Variants in BCAS3 observed in about 807,000 individuals in gnomAD.
The protein encoded by BCAS3 is BCAS3 microtubule associated cell migration factor, also known as BCAS4/BCAS3 fusion.
A neutral mutation model predicts 116.1 loss-of-function variants in BCAS3; 53 were observed. That is an observed-to-expected ratio of 0.46 (90% CI 0.37 to 0.57). BCAS3 has a LOEUF of 0.57. Ranked by LOEUF, BCAS3 falls within the 20% of genes least tolerant of loss-of-function variation. BCAS3 has a pLI of 0.00. For synonymous variants in BCAS3, 391 were observed against 408.2 expected (o/e 0.96, Z 0.51); for missense variants, 917 against 1,165.4 (o/e 0.79, Z 3.10).
intron 7 of BCAS3, among the ~76,000 whole-genome samples, chr17:60,809,234 C>T (rs1815347187): frequency 6.8e-6 from 1 of 148,102 alleles, no homozygotes; most frequent in African/African-American, 2.5e-5. Flanking sequence ...CAGTGCACCA[C>T]TGTACTCCAG....
intron 22 of BCAS3, among the ~76,000 whole-genome samples, chr17:61,254,216 C>CCTGTTGGG (rs2048590475): frequency 6.6e-6 from 1 of 152,228 alleles, no homozygotes; most frequent in East Asian, 1.9e-4. Context: ...GAGATTTAAC[C>CCTGTTGGG]CTGCTGGGCT....
At chr17:60,777,855 T>A (rs886511920) in intron 6 of BCAS3, among the ~76,000 whole-genome samples, 1 of 152,214 alleles carries the variant, frequency 6.6e-6, no homozygotes, top group Non-Finnish European at 1.5e-5. Flanking sequence ...TGTTACTTCC[T>A]TTCTCTTTGT....
chr17:61,265,291 A>C lies in BCAS3; in HGVS notation c.2426-103036A>C, dbSNP rs937304231. Among the ~76,000 whole-genome samples, 1 of 152,032 alleles carries C rather than the reference A, an allele frequency of 6.6e-6. No homozygotes were observed. ...AGCCGGCATGGTGGCGCATGCCTGT[A>C]ATCCCGGGAGGTTGAGGCAGGAGAA... On this transcript the variant is annotated intron_variant, in intron 22 of 23. Coordinates refer to ENST00000407086, the MANE Select transcript of BCAS3 (RefSeq NM_017679.5). The surrounding 1 kb of genome is among the most constrained non-coding windows in gnomAD (Gnocchi z 4.3).
intron 23 of BCAS3, among the ~76,000 whole-genome samples, chr17:61,373,243 C>G (rs1304359986): frequency 2.0e-5 from 3 of 151,872 alleles, no homozygotes; most frequent in Admixed American, 6.6e-5. Context: ...TACCCACCAC[C>G]ATGCCTGGCT....
chr17:60,889,403 C>T (rs553474575), intron 9 of BCAS3, among the ~76,000 whole-genome samples: 8 of 152,136 alleles, frequency 5.3e-5, no homozygotes, highest in Non-Finnish European at 1.0e-4. Context: ...TAACTTCATT[C>T]TCATGTTTAG....
chr17:61,126,657 G>T lies in BCAS3; in HGVS notation c.2425+42093G>T, dbSNP rs2076061088. ...AATTTGGCACTTATGGAGACGAAAT[G>T]ATTTCCTTTTTAGCTGCTGATTTCT... On this transcript the variant is annotated intron_variant, in intron 22 of 23. Coordinates refer to ENST00000407086, the MANE Select transcript of BCAS3 (RefSeq NM_017679.5). The surrounding 1 kb of genome is among the most constrained non-coding windows in gnomAD (Gnocchi z 4.6). Among the ~76,000 whole-genome samples, 2 of 152,116 alleles carry T rather than the reference G, an allele frequency of 1.3e-5. No individual in the cohort carries two copies. Among genetic ancestry groups the T allele is most frequent in the Non-Finnish European group, 2.9e-5 (2 of 68,004 alleles).
intron 6 of BCAS3, among the ~76,000 whole-genome samples, chr17:60,786,777 T>C (rs1255985013): frequency 6.6e-6 from 1 of 152,106 alleles, no homozygotes; most frequent in Non-Finnish European, 1.5e-5. Context: ...GTTACTTGTT[T>C]TTCAGTTAAC....
chr17:60,747,400 C>T, intron 6 of BCAS3, 121 bp downstream of exon 6: 1 of 706,262 alleles, frequency 1.4e-6, no homozygotes, highest in Non-Finnish European at 2.4e-6. Context: ...CATTCCCCTT[C>T]CCCACCTCCC....
intron 7 of BCAS3, among the ~76,000 whole-genome samples, chr17:60,838,759 T>G (rs1353553600): frequency 6.6e-6 from 1 of 152,250 alleles, no homozygotes; most frequent in African/African-American, 2.4e-5. Flanking sequence ...AATGTTTTTC[T>G]AGACAAAATC....
rs1230721615 is a variant in BCAS3 at position 61,104,573 on chromosome 17, A to G, written c.2425+20009A>G. Among the ~76,000 whole-genome samples, 5 of 152,164 alleles carry G rather than the reference A, an allele frequency of 3.3e-5. No individual in the cohort carries two copies. Among genetic ancestry groups the G allele is most frequent in the Admixed American group, 6.6e-5 (1 of 15,262 alleles). On this transcript the variant is annotated intron_variant, in intron 22 of 23. Coordinates refer to ENST00000407086, the MANE Select transcript of BCAS3 (RefSeq NM_017679.5). The surrounding 1 kb of genome is among the most constrained non-coding windows in gnomAD (Gnocchi z 4.1). ...CTCATACTTCATCATTTATTGGATC[A>G]AATAGCAGTCTCATTTACTTAGGAT...
chr17:61,094,580 G>A (rs61319584), intron 22 of BCAS3, among the ~76,000 whole-genome samples: 15,306 of 152,240 alleles, frequency 0.1, 2,322 homozygotes, highest in African/African-American at 0.33. Context: ...GGACACGATG[G>A]CACACGCGTA....
In BCAS3 at chr17:61,315,976, T is replaced by A. The variant is rs1392918604; in HGVS notation, c.2426-52351T>A. On this transcript the variant is annotated intron_variant, in intron 22 of 23. Transcript: ENST00000407086. The surrounding 1 kb of genome is among the most constrained non-coding windows in gnomAD (Gnocchi z 5.3). ...TTAGGACCAGGATTTTCCCTTTTCATGTGTGTTTTCCAGTGTCTAGGATAG... is the reference window on the plus strand; with the variant it reads ...TTAGGACCAGGATTTTCCCTTTTCAAGTGTGTTTTCCAGTGTCTAGGATAG... 5.9e-5 allele frequency among the ~76,000 whole-genome samples: 9 copies of A among 152,192 alleles called. No individual in the cohort carries two copies. Among genetic ancestry groups the A allele is most frequent in the Admixed American group, 5.9e-4 (9 of 15,280 alleles).
In BCAS3 at chr17:61,300,459, A is replaced by G. The variant is rs2053338750; in HGVS notation, c.2426-67868A>G. Among the ~76,000 whole-genome samples the G allele has an allele frequency of 6.6e-6, 1 of 152,188 alleles. No homozygotes were observed. Among genetic ancestry groups the G allele is most frequent in the Admixed American group, 6.5e-5 (1 of 15,268 alleles). ...GAAATGATCAGTAGGGCAAGTTTTAATTTAGGGCATTTAAACCCATTGTGC... is the reference window on the plus strand; with the variant it reads ...GAAATGATCAGTAGGGCAAGTTTTAGTTTAGGGCATTTAAACCCATTGTGC... On this transcript the variant is annotated intron_variant, in intron 22 of 23. Coordinates refer to ENST00000407086, the MANE Select transcript of BCAS3 (RefSeq NM_017679.5). The surrounding 1 kb of genome is among the most constrained non-coding windows in gnomAD (Gnocchi z 5.1).
At chr17:61,179,940 A>G (rs1055013477) in intron 22 of BCAS3, among the ~76,000 whole-genome samples, 23 of 142,246 alleles carry the variant, frequency 1.6e-4, no homozygotes, top group African/African-American at 5.8e-4. Flanking sequence ...AGAAGCACTC[A>G]CTTGAGACAC....
chr17:60,965,936 G>C (rs897399344), intron 14 of BCAS3, among the ~76,000 whole-genome samples: 3 of 152,100 alleles, frequency 2.0e-5, no homozygotes, highest in African/African-American at 7.2e-5. Context: ...CTGGAGTGGG[G>C]TCTCCTTCTT....
Position 61,305,200 on chromosome 17 carries a change from C to T in BCAS3, c.2426-63127C>T, listed in dbSNP as rs191877895. ...CCTTAGTCAATGAATGAAGCAACAT[C>T]TCTTGGGGTTGCCAGATGACCCCGG... On this transcript the variant is annotated intron_variant, in intron 22 of 23. Transcript: ENST00000407086. 4.0e-4 allele frequency among the ~76,000 whole-genome samples: 61 copies of T among 152,290 alleles called. No homozygotes were observed. In the East Asian group the frequency reaches 0.011, roughly 28 times the overall value.
chr17:61,055,198 G>C (rs1167111377), intron 19 of BCAS3, among the ~76,000 whole-genome samples: 1 of 152,176 alleles, frequency 6.6e-6, no homozygotes, highest in Admixed American at 6.5e-5. Flanking sequence ...AGGAGCTTGT[G>C]GGTTGATGTG....
rs1030395191 is a variant in BCAS3, at chr17:61,333,931, C to G, written c.2426-34396C>G. Among the ~76,000 whole-genome samples, 1 of 152,164 alleles carries G rather than the reference C, an allele frequency of 6.6e-6. No individual in the cohort carries two copies. Among genetic ancestry groups the G allele is most frequent in the African/African-American group, 2.4e-5 (1 of 41,438 alleles). ...CATGGTACCCTGCCAAGTTCTTGAA[C>G]CTTTCTGGTCATTTGCTTCCCTGAT... On this transcript the variant is annotated intron_variant, in intron 22 of 23. Transcript: ENST00000407086. The surrounding 1 kb of genome is among the most constrained non-coding windows in gnomAD (Gnocchi z 4.8).
intron 13 of BCAS3, among the ~76,000 whole-genome samples, chr17:60,933,048 G>A (rs991957086): frequency 3.6e-4 from 55 of 151,978 alleles, no homozygotes; most frequent in Non-Finnish European, 8.8e-5. Context: ...AGTGGCACAC[G>A]CCTGTAATCC....
Sources: allele counts gnomAD v4.1 joint callset (sites outside exome capture counted in the v4.1 genomes callset), GRCh38; gene constraint gnomAD v4.1.1; non-coding constraint Gnocchi (gnomAD v3.1); transcripts MANE v1.5; gene names NCBI Gene and HGNC (gene_info 2026-07-23, HGNC 2026-07-21).